HECW2: variants seen among roughly 807,000 people sequenced by gnomAD.
The protein encoded by HECW2 is E3 ubiquitin-protein ligase HECW2.
Under a neutral mutation model 175.2 loss-of-function variants are expected in HECW2, and 61 were observed. That is an observed-to-expected ratio of 0.35 (90% CI 0.28 to 0.43). The LOEUF is 0.43. Ranked by LOEUF, HECW2 falls within the 20% of genes least tolerant of loss-of-function variation. HECW2 has a pLI of 1.00. For synonymous variants in HECW2, 671 were observed against 731.0 expected, an observed-to-expected ratio of 0.92 and a Z score of 1.32; for missense variants, 1,524 against 2,000.5, an observed-to-expected ratio of 0.76 and a Z score of 4.54.
chr2:196,492,637 T>G (rs1687241080), intron 1 of HECW2, among the ~76,000 whole-genome samples: 1 of 152,184 alleles, frequency 6.6e-6, no homozygotes, highest in Non-Finnish European at 1.5e-5. Flanking sequence ...TTCTGAGGTG[T>G]TAATTCAAAG....
At chr2:196,390,908 C>T (rs1442280514) in intron 2 of HECW2, among the ~76,000 whole-genome samples, 2 of 152,096 alleles carry the variant, frequency 1.3e-5, no homozygotes, top group African/African-American at 4.8e-5. Context: ...CTACATTGTG[C>T]GAGCTCAATT....
intron 1 of HECW2, among the ~76,000 whole-genome samples, chr2:196,449,210 G>C (rs1575553719): frequency 6.6e-6 from 1 of 152,164 alleles, no homozygotes. Flanking sequence ...ATTATGCACA[G>C]AACTAATCCT....
chr2:196,509,540 A>C (rs1436551355), intron 1 of HECW2, among the ~76,000 whole-genome samples: 1 of 152,230 alleles, frequency 6.6e-6, no homozygotes, highest in Non-Finnish European at 1.5e-5. Context: ...AGGGGCTTCC[A>C]GGTATCAATC....
At chr2:196,554,043 TAAA>T (rs1689697707) in intron 1 of HECW2, among the ~76,000 whole-genome samples, 1 of 152,188 alleles carries the variant, frequency 6.6e-6, no homozygotes. Flanking sequence ...GGGCTTCTCT[TAAA>T]AAGATTTTTG....
intron 1 of HECW2, among the ~76,000 whole-genome samples, chr2:196,523,583 G>C (rs909961845): frequency 1.2e-4 from 18 of 150,594 alleles, no homozygotes; most frequent in African/African-American, 4.2e-4. Context: ...TCCAGTTTTT[G>C]CCCATTCAGT....
chr2:196,215,174 T>G lies in HECW2; in HGVS notation c.4607+691A>C, dbSNP rs528756392. Among the ~76,000 whole-genome samples, 13 of 152,304 alleles carry G rather than the reference T, an allele frequency of 8.5e-5. No homozygotes were observed. In the South Asian group the frequency reaches 1.4e-3, roughly 17 times the overall value. The stretch of plus-strand genomic sequence containing the variant: ...TTGCTCCAGCTCCAGTTATCTCCAC[T>G]CAATCTCAAACACTTTTTGTACTAG... On this transcript the variant is annotated intron_variant, in intron 28 of 28. Coordinates refer to ENST00000644978, the MANE Select transcript of HECW2 (RefSeq NM_001348768.2).
chr2:196,500,472 A>G (rs1376510435), intron 1 of HECW2, among the ~76,000 whole-genome samples: 1 of 152,254 alleles, frequency 6.6e-6, no homozygotes, highest in Non-Finnish European at 1.5e-5. Context: ...GCTAGAAAAA[A>G]AAGAGTAAAT....
At chr2:196,271,463 T>A (rs1689735192) in intron 16 of HECW2, among the ~76,000 whole-genome samples, 174 bp from the exon 17 acceptor site, 1 of 151,912 alleles carries the variant, frequency 6.6e-6, no homozygotes, top group Non-Finnish European at 1.5e-5. Flanking sequence ...TTTTTTTGTA[T>A]TTTTAGTAGG....
intron 1 of HECW2, among the ~76,000 whole-genome samples, chr2:196,552,956 C>A (rs184505753): frequency 6.6e-6 from 1 of 152,274 alleles, no homozygotes; most frequent in Non-Finnish European, 1.5e-5. Flanking sequence ...CCATCCCACC[C>A]GAGGAAAAAT....
At position 196,253,910 on chromosome 2, in the gene HECW2, G is replaced by A. The variant is rs372340937; in HGVS notation, c.3529+10C>T. 13 of 1,612,212 alleles carry A rather than the reference G, an allele frequency of 8.1e-6. No individual in the cohort carries two copies. Among genetic ancestry groups the A allele is most frequent in the South Asian group, 2.2e-5 (2 of 91,058 alleles). ...TCAGAGAATTCACTGTGAGCAGCAG[G>A]TGGACTCACCTGGCGAGTTCTGAGG... On this transcript the variant is annotated intron_variant, in intron 19 of 28. Coordinates refer to ENST00000644978, the MANE Select transcript of HECW2 (RefSeq NM_001348768.2).
At chr2:196,427,940 C>T (rs988963772) in intron 2 of HECW2, among the ~76,000 whole-genome samples, 71 of 152,110 alleles carry the variant, frequency 4.7e-4, no homozygotes, top group African/African-American at 1.6e-3. Flanking sequence ...CTAAAAATGC[C>T]TAAAGAAGGA....
At chr2:196,267,617 G>A (rs1157173855) in intron 17 of HECW2, among the ~76,000 whole-genome samples, 1 of 152,060 alleles carries the variant, frequency 6.6e-6, no homozygotes, top group Non-Finnish European at 1.5e-5. Flanking sequence ...TTTAAATACA[G>A]CAGTTGAAAG....
chr2:196,371,521 T>C (rs1027235703), intron 2 of HECW2, among the ~76,000 whole-genome samples: 4 of 152,218 alleles, frequency 2.6e-5, no homozygotes, highest in Non-Finnish European at 5.9e-5. Flanking sequence ...GGTCCATGAA[T>C]TGGTTGTTTA....
At position 196,343,710 on chromosome 2, in the gene HECW2, G is replaced by A. The variant is rs61740605; in HGVS notation, c.347C>T (p.Thr116Ile). The change falls in exon 3 of 29, where the codon ACA (threonine) becomes ATA (isoleucine). Residue 116 changes from threonine to isoleucine, a missense_variant. By Grantham distance (89) the Thr-to-Ile change is moderately conservative. Around this residue, in one of 11 missense-constraint regions of HECW2, gnomAD observed 135 missense variants for 214.6 expected, o/e 0.63. Transcript: ENST00000644978. ...TCTCCATACAATTTGCCCTTTTTGT[G>A]TTCCAGTCACACCCCTGTTCTTAGA... is the stretch of plus-strand genomic sequence containing the variant. ...WDSKNRGVTGTQKGQIVWRIE... is the reference protein window; with the variant it reads ...WDSKNRGVTGIQKGQIVWRIE... The A allele has an allele frequency of 1.5e-3, 2,448 of 1,613,854 alleles. 73 individuals are homozygous for A. In the Admixed American group the frequency reaches 0.039, roughly 25 times the overall value.
intron 21 of HECW2, 24 bp from the exon 22 acceptor site, chr2:196,228,278 A>G (rs372735992): frequency 4.4e-6 from 7 of 1,583,098 alleles, no homozygotes; most frequent in East Asian, 2.2e-5. Flanking sequence ...CCACAAAAAG[A>G]ATAATCTGTT....
At chr2:196,579,758 G>C (rs1690701832) in intron 1 of HECW2, among the ~76,000 whole-genome samples, 1 of 152,058 alleles carries the variant, frequency 6.6e-6, no homozygotes, top group African/African-American at 2.4e-5. Flanking sequence ...TATAAGAAGA[G>C]GAAATTCTGA....
chr2:196,332,150 C>T (rs1692388300), intron 4 of HECW2, among the ~76,000 whole-genome samples: 1 of 151,796 alleles, frequency 6.6e-6, no homozygotes, highest in Admixed American at 6.6e-5. Context: ...GAAAAGAGAC[C>T]ACATGATTAG....
At chr2:196,226,307 T>C (rs944835110) in intron 22 of HECW2, among the ~76,000 whole-genome samples, 1 of 152,138 alleles carries the variant, frequency 6.6e-6, no homozygotes, top group African/African-American at 2.4e-5. Context: ...TCCACCATGA[T>C]TGAAAAAGCT....
intron 2 of HECW2, among the ~76,000 whole-genome samples, chr2:196,380,286 C>T (rs1259465174): frequency 6.6e-6 from 1 of 152,204 alleles, no homozygotes; most frequent in Non-Finnish European, 1.5e-5. Flanking sequence ...TATAGCTCTG[C>T]CTTAACTTTT....
Sources: gnomAD v4.1 joint callset for allele counts (sites outside exome capture counted in the v4.1 genomes callset) on GRCh38, gnomAD v4.1.1 for gene constraint, gnomAD v4.1.1 regional missense constraint, MANE v1.5 for transcripts, NCBI Gene and HGNC (gene_info 2026-07-23, HGNC 2026-07-21) for gene names.